Variants in ARID5B observed in about 807,000 individuals in gnomAD.
ARID5B encodes the protein AT-rich interactive domain-containing protein 5B.
ARID5B carries 13 observed loss-of-function variants against 97.2 expected under a neutral mutation model. The ratio of observed to expected loss-of-function variants is 0.13; its 90% CI spans 0.09 to 0.21. The LOEUF is 0.21. Ranked by LOEUF, ARID5B falls within the 10% of genes least tolerant of loss-of-function variation. ARID5B has a pLI of 1.00. For missense variants in ARID5B, 1,210 were observed against 1,465.3 expected, an observed-to-expected ratio of 0.83 and a Z score of 2.84; for synonymous variants, 556 against 570.3, an observed-to-expected ratio of 0.97 and a Z score of 0.36.
At chr10:62,021,851 CT>C (rs754010669) in intron 4 of ARID5B, among the ~76,000 whole-genome samples, 5 of 152,174 alleles carry the variant, frequency 3.3e-5, no homozygotes, top group Non-Finnish European at 5.9e-5. Context: ...ATAGCCGGGT[CT>C]TTAAGAAACC....
chr10:62,028,918 C>T lies in ARID5B; in HGVS notation c.734-21970C>T, dbSNP rs1203211410. On this transcript the variant is annotated intron_variant, in intron 4 of 9. Transcript: ENST00000279873. ...GTTGCAGTGAGCTGAGATCACGCCA[C>T]TGCGCTCCAGCCTGGGCAACAGAGC... Among the ~76,000 whole-genome samples the T allele has an allele frequency of 3.3e-5, 5 of 149,754 alleles. No homozygotes were observed. The East Asian group carries it at 7.8e-4, about 23-fold the overall frequency.
At chr10:61,969,824 C>G (rs990120280) in intron 3 of ARID5B, among the ~76,000 whole-genome samples, 1 of 152,064 alleles carries the variant, frequency 6.6e-6, no homozygotes, top group African/African-American at 2.4e-5. Flanking sequence ...CCTTTTGATT[C>G]TTTTGGATTT....
chr10:61,916,031 C>T (rs1265632695), intron 2 of ARID5B, among the ~76,000 whole-genome samples: 1 of 152,100 alleles, frequency 6.6e-6, no homozygotes, highest in Non-Finnish European at 1.5e-5. Context: ...GCTAGGATTA[C>T]AGGCGTGAGC....
intron 4 of ARID5B, among the ~76,000 whole-genome samples, chr10:62,010,084 C>G (rs932183018): frequency 2.0e-5 from 3 of 152,158 alleles, no homozygotes; most frequent in Admixed American, 6.5e-5. Context: ...CTCTCACAGA[C>G]CCCCATCATG....
At chr10:62,073,529 CA>C (rs1383383798) in intron 8 of ARID5B, among the ~76,000 whole-genome samples, 1 of 152,208 alleles carries the variant, frequency 6.6e-6, no homozygotes, top group Non-Finnish European at 1.5e-5. Flanking sequence ...CTGACTCGTA[CA>C]AACTTGCCTC....
chr10:62,021,661 G>A (rs1564629677), intron 4 of ARID5B, among the ~76,000 whole-genome samples: 1 of 152,200 alleles, frequency 6.6e-6, no homozygotes, highest in Non-Finnish European at 1.5e-5. Flanking sequence ...GGGGTGTAAT[G>A]TGGTCGTGTG....
At chr10:61,967,638 T>C (rs1838564514) in intron 3 of ARID5B, among the ~76,000 whole-genome samples, 1 of 152,260 alleles carries the variant, frequency 6.6e-6, no homozygotes, top group Admixed American at 6.5e-5. Context: ...TTCAGCTAGA[T>C]GATTTGTACT....
intron 2 of ARID5B, among the ~76,000 whole-genome samples, chr10:61,929,747 C>T (rs536422657): frequency 6.6e-6 from 1 of 152,314 alleles, no homozygotes; most frequent in Admixed American, 6.5e-5. Flanking sequence ...ATCACTAATA[C>T]TCATATCCTG....
At chr10:62,010,850 G>T (rs1041007290) in intron 4 of ARID5B, among the ~76,000 whole-genome samples, 1 of 152,120 alleles carries the variant, frequency 6.6e-6, no homozygotes, top group African/African-American at 2.4e-5. Context: ...ACCAGAATTC[G>T]CCGTGGCCAA....
intron 2 of ARID5B, among the ~76,000 whole-genome samples, chr10:61,931,387 G>T (rs1253896951): frequency 6.6e-6 from 1 of 152,098 alleles, no homozygotes; most frequent in Admixed American, 6.5e-5. Context: ...AAAGTAAAAT[G>T]TAAACCTATA....
chr10:62,002,714 G>A (rs1416842465), intron 4 of ARID5B, among the ~76,000 whole-genome samples: 1 of 152,188 alleles, frequency 6.6e-6, no homozygotes, highest in Non-Finnish European at 1.5e-5. Context: ...GTTGGTGGAA[G>A]AACATAAATT....
intron 3 of ARID5B, among the ~76,000 whole-genome samples, chr10:61,995,032 G>A (rs1345123377): frequency 3.3e-5 from 5 of 152,090 alleles, no homozygotes; most frequent in Non-Finnish European, 7.4e-5. Context: ...TTGGTTACTA[G>A]CAATTTATTA....
rs749069080 is a variant in ARID5B, at chr10:61,902,171, C to T, written c.34C>T (p.Pro12Ser). The T allele has an allele frequency of 1.2e-6, 2 of 1,612,692 alleles. No individual in the cohort carries two copies. Among genetic ancestry groups the T allele is most frequent in the Admixed American group, 3.3e-5 (2 of 60,008 alleles). The change falls in exon 2 of 10, where the codon CCG becomes TCG. Residue 12 changes from proline (P) to serine (S), a missense_variant. Coordinates refer to ENST00000279873, the MANE Select transcript of ARID5B (RefSeq NM_032199.3). ...TCCCCCCCTGCAGTGGGTCGGCTCA[C>T]CGTGTGGCTTGCACGGACCTTACAT... is the stretch of plus-strand genomic sequence containing the variant. ...EPNSLQWVGS[P>S]CGLHGPYIFY...
intron 4 of ARID5B, among the ~76,000 whole-genome samples, chr10:62,029,493 TG>T (rs1423141113): frequency 6.6e-6 from 1 of 152,250 alleles, no homozygotes; most frequent in African/African-American, 2.4e-5. Context: ...AAGACAATAT[TG>T]GATCTAAGGC....
chr10:62,037,195 T>C (rs1338147424), intron 4 of ARID5B, among the ~76,000 whole-genome samples: 1 of 152,198 alleles, frequency 6.6e-6, no homozygotes, highest in Non-Finnish European at 1.5e-5. Flanking sequence ...TTAGCAATGT[T>C]GCAAGAGGCT....
intron 4 of ARID5B, among the ~76,000 whole-genome samples, chr10:62,042,551 C>T (rs960686714): frequency 3.9e-5 from 6 of 152,150 alleles, no homozygotes; most frequent in African/African-American, 9.7e-5. Flanking sequence ...ATAGCACCAC[C>T]GCCACACCCT....
intron 3 of ARID5B, among the ~76,000 whole-genome samples, chr10:61,940,965 A>ATT (rs869209154): frequency 1.5e-4 from 1 of 6,610 alleles, no homozygotes; most frequent in Non-Finnish European, 3.0e-4. Flanking sequence ...ATATATATAT[A>ATT]TTTTTTTTTT....
At chr10:61,927,891 A>G (rs1177140483) in intron 2 of ARID5B, among the ~76,000 whole-genome samples, 1 of 152,206 alleles carries the variant, frequency 6.6e-6, no homozygotes, top group Admixed American at 6.5e-5. Flanking sequence ...CCTCCATATC[A>G]GGGCCACTCC....
chr10:62,052,871 G>A (rs1246183298), intron 5 of ARID5B, among the ~76,000 whole-genome samples: 1 of 152,190 alleles, frequency 6.6e-6, no homozygotes, highest in Non-Finnish European at 1.5e-5. Flanking sequence ...TGAATGTCAT[G>A]CTGCAGTCAG....
Sources: gnomAD v4.1 joint callset for allele counts (sites outside exome capture counted in the v4.1 genomes callset) on GRCh38, gnomAD v4.1.1 for gene constraint, MANE v1.5 for transcripts, NCBI Gene and HGNC (gene_info 2026-07-23, HGNC 2026-07-21) for gene names.